Variants in BMERB1 observed in about 807,000 individuals in gnomAD.
The protein encoded by BMERB1 is bMERB domain containing 1, also known as bMERB domain-containing protein 1.
BMERB1 carries 12 observed loss-of-function variants against 23.6 expected under a neutral mutation model. The observed-to-expected ratio is 0.51, with a 90% CI of 0.33 to 0.82. The LOEUF is 0.82. BMERB1 is among the 40% of genes least tolerant of loss of function. The pLI, the probability that BMERB1 is intolerant of heterozygous loss-of-function variation, is 0.03. For synonymous variants in BMERB1, 122 were observed against 96.6 expected (o/e 1.26, Z -1.54); for missense variants, 247 against 255.4 (o/e 0.97, Z 0.22).
At chr16:15,528,576 C>G (rs1046583622) in intron 2 of BMERB1, among the ~76,000 whole-genome samples, 1 of 152,010 alleles carries the variant, frequency 6.6e-6, no homozygotes, top group Non-Finnish European at 1.5e-5. Context: ...CTTACACACA[C>G]ACACCACTCC....
intron 2 of BMERB1, among the ~76,000 whole-genome samples, chr16:15,565,680 C>G (rs1325472161): frequency 6.6e-6 from 1 of 152,124 alleles, no homozygotes; most frequent in Non-Finnish European, 1.5e-5. Context: ...GACCCCATCT[C>G]TATGAAAATT....
intron 1 of BMERB1, among the ~76,000 whole-genome samples, chr16:15,478,389 G>GACCTCAAGTGATCCTCCC (rs2051290621): frequency 6.6e-6 from 1 of 152,140 alleles, no homozygotes; most frequent in Non-Finnish European, 1.5e-5. Flanking sequence ...TCGAACTCCT[G>GACCTCAAGTGATCCTCCC]ACCTCAAGTG....
At chr16:15,510,539 G>A (rs114290650) in intron 1 of BMERB1, among the ~76,000 whole-genome samples, 372 of 152,150 alleles carry the variant, frequency 2.4e-3, no homozygotes, top group African/African-American at 8.4e-3. Flanking sequence ...TTGGGTGGTG[G>A]GCTCCCTTAC....
intron 1 of BMERB1, among the ~76,000 whole-genome samples, chr16:15,442,316 T>G (rs1488821380): frequency 6.8e-6 from 1 of 146,392 alleles, no homozygotes; most frequent in Non-Finnish European, 1.5e-5. Flanking sequence ...GGCGACAGAG[T>G]GAGACACTGT....
intron 3 of BMERB1, among the ~76,000 whole-genome samples, chr16:15,571,806 G>A (rs1045898601): frequency 2.6e-5 from 4 of 151,978 alleles, no homozygotes; most frequent in Non-Finnish European, 2.9e-5. Flanking sequence ...TCGTCCCTCC[G>A]CCCACCCGGA....
intron 3 of BMERB1, among the ~76,000 whole-genome samples, chr16:15,580,715 T>C (rs993800828): frequency 1.3e-5 from 2 of 151,284 alleles, no homozygotes; most frequent in African/African-American, 4.9e-5. Flanking sequence ...ACCCGGCGAA[T>C]TTTTTGTATT....
chr16:15,487,121 G>A (rs1371851640), intron 1 of BMERB1, among the ~76,000 whole-genome samples: 1 of 152,128 alleles, frequency 6.6e-6, no homozygotes, highest in Non-Finnish European at 1.5e-5. Flanking sequence ...TACTAAGATT[G>A]AATATATCAT....
intron 1 of BMERB1, among the ~76,000 whole-genome samples, chr16:15,461,932 A>C (rs1011522855): frequency 2.0e-5 from 3 of 152,088 alleles, no homozygotes; most frequent in Admixed American, 6.6e-5. Context: ...ACCCTGTTTC[A>C]CCAAAACAAC....
Position 15,461,124 on chromosome 16 carries a change from C to CAA in BMERB1, c.106+26379_106+26380dup, listed in dbSNP as rs35746898. Among the ~76,000 whole-genome samples the CAA allele has an allele frequency of 4.7e-3, 616 of 131,260 alleles. 3 individuals carry two copies. Among genetic ancestry groups the CAA allele is most frequent in the Non-Finnish European group, 7.7e-3 (470 of 61,186 alleles). The allele number at this position is 131,260 out of a possible 152,430, so 86.1% of individuals were successfully genotyped here. A position where few individuals can be genotyped will look rare whatever the true frequency, so the allele number is the denominator to read the frequency against. ...TGGGTGATAGAGCAAGACTCTGTCT[C>CAA]AAAAAAAAAAAAAAAGAAGCTAGGC... On this transcript the variant is annotated intron_variant, in intron 1 of 5. Coordinates refer to ENST00000300006, the MANE Select transcript of BMERB1 (RefSeq NM_033201.3).
intron 1 of BMERB1, among the ~76,000 whole-genome samples, chr16:15,473,629 C>T (rs914407619): frequency 3.9e-5 from 6 of 152,058 alleles, no homozygotes; most frequent in Non-Finnish European, 8.8e-5. Flanking sequence ...TTACTAACAA[C>T]AAATTCTCTT....
chr16:15,473,173 A>T (rs974067886), intron 1 of BMERB1, among the ~76,000 whole-genome samples: 4 of 151,656 alleles, frequency 2.6e-5, no homozygotes, highest in African/African-American at 7.3e-5. Flanking sequence ...TTCCATCTTT[A>T]AAAAAAATTA....
intron 1 of BMERB1, chr16:15,502,213 G>A (rs2150943648): frequency 7.2e-7 from 1 of 1,381,108 alleles, no homozygotes; most frequent in Non-Finnish European, 1.0e-6. Flanking sequence ...TGTGGCTGGG[G>A]AAACAGAAAC....
At chr16:15,565,641 G>C (rs192227112) in intron 2 of BMERB1, among the ~76,000 whole-genome samples, 1 of 152,252 alleles carries the variant, frequency 6.6e-6, no homozygotes, top group African/African-American at 2.4e-5. Flanking sequence ...TTGAGGCCAG[G>C]AGTTCAAGAC....
intron 2 of BMERB1, among the ~76,000 whole-genome samples, chr16:15,552,822 C>A (rs2030133718): frequency 6.6e-6 from 1 of 152,210 alleles, no homozygotes; most frequent in Admixed American, 6.5e-5. Context: ...GAACAGCATT[C>A]ACCTCTCTGG....
chr16:15,567,872 C>A, intron 2 of BMERB1, 111 bp from the exon 3 acceptor site: 1 of 931,290 alleles, frequency 1.1e-6, no homozygotes, highest in Non-Finnish European at 1.6e-6. Context: ...CATGTATGGC[C>A]TCTTCAAAAG....
chr16:15,569,873 C>T (rs536659878), intron 3 of BMERB1, among the ~76,000 whole-genome samples: 11 of 152,268 alleles, frequency 7.2e-5, no homozygotes, highest in Admixed American at 5.2e-4. Flanking sequence ...CAGAATTCAG[C>T]CTCCTCCCAT....
intron 1 of BMERB1, among the ~76,000 whole-genome samples, chr16:15,456,104 A>G (rs1237723586): frequency 2.6e-5 from 4 of 152,154 alleles, no homozygotes; most frequent in Admixed American, 2.6e-4. Context: ...AAACAATACA[A>G]AAGTGTAGAA....
chr16:15,474,879 G>T (rs946119751), intron 1 of BMERB1, among the ~76,000 whole-genome samples: 2 of 151,884 alleles, frequency 1.3e-5, no homozygotes, highest in Non-Finnish European at 2.9e-5. Flanking sequence ...GTAGAGATGG[G>T]GTTTCAACAT....
intron 1 of BMERB1, among the ~76,000 whole-genome samples, chr16:15,500,435 G>A (rs934843926): frequency 4.6e-5 from 7 of 152,142 alleles, no homozygotes; most frequent in Non-Finnish European, 5.9e-5. Context: ...GAGGTGGGAC[G>A]AGAGGGTCCA....
Sources: gnomAD v4.1 joint callset for allele counts (sites outside exome capture counted in the v4.1 genomes callset) on GRCh38, gnomAD v4.1.1 for gene constraint, MANE v1.5 for transcripts, NCBI Gene and HGNC (gene_info 2026-07-23, HGNC 2026-07-21) for gene names.